Variants in LZTFL1 observed in about 807,000 individuals in gnomAD.
LZTFL1 encodes leucine zipper transcription factor-like protein 1.
A neutral mutation model predicts 45.9 loss-of-function variants in LZTFL1; 25 were observed. The observed-to-expected ratio is 0.54, with a 90% CI of 0.40 to 0.76. LZTFL1 has a LOEUF of 0.76. Ranked by LOEUF, LZTFL1 falls within the 30% of genes least tolerant of loss-of-function variation. The pLI, the probability that LZTFL1 is intolerant of heterozygous loss-of-function variation, is 0.00. For missense variants in LZTFL1, 277 were observed against 331.1 expected, an observed-to-expected ratio of 0.84 and a Z score of 1.27; for synonymous variants, 93 against 117.4, an observed-to-expected ratio of 0.79 and a Z score of 1.35.
intron 3 of LZTFL1, among the ~76,000 whole-genome samples, chr3:45,858,478 C>A (rs1366796988): frequency 6.6e-6 from 1 of 152,118 alleles, no homozygotes; most frequent in East Asian, 1.9e-4. Context: ...TACGTTTTTA[C>A]CTAGTGTCAT....
Position 45,900,664 on chromosome 3 carries a change from A to G in LZTFL1, c.-215+12456T>C, listed in dbSNP as rs1702521396. ...GAATAAATAAATATGTCACAACCCA[A>G]GCAGATGTCCTCAGAATGCCTATGT... On this transcript the variant is annotated intron_variant, in intron 2 of 4. Transcript: ENST00000472635. This position sits in a 1 kb window ranked among gnomAD's most constrained non-coding sequence, Gnocchi z 4.7. 1.4e-6 allele frequency: 1 copy of G among 729,360 alleles called. No homozygotes were observed. The highest frequency in any genetic ancestry group is 2.3e-6 in the Non-Finnish European group (1 of 435,752). The allele number at this position is 729,360 out of a possible 1,614,324, so 45.2% of individuals were successfully genotyped here. A position where few individuals can be genotyped will look rare whatever the true frequency, so the allele number is the denominator to read the frequency against.
intron 2 of LZTFL1, among the ~76,000 whole-genome samples, chr3:45,884,582 C>A (rs1433010339): frequency 6.6e-6 from 1 of 152,184 alleles, no homozygotes; most frequent in African/African-American, 2.4e-5. Flanking sequence ...TCTTCCCTGA[C>A]GGCCAGCCTC....
chr3:45,905,775 A>T (rs1702668021), intron 2 of LZTFL1, among the ~76,000 whole-genome samples: 2 of 152,182 alleles, frequency 1.3e-5, no homozygotes, highest in Admixed American at 1.3e-4. Context: ...TGCACTTTTG[A>T]AGAAGGGAAT....
At chr3:45,835,457 A>G in intron 3 of LZTFL1, 133 bp downstream of exon 3, 1 of 730,982 alleles carries the variant, frequency 1.4e-6, no homozygotes, top group South Asian at 1.7e-5. Context: ...CAGTGACTCA[A>G]TGCTTTGCTG....
At chr3:45,870,035 G>A (rs1701646336) in intron 2 of LZTFL1, among the ~76,000 whole-genome samples, 1 of 152,262 alleles carries the variant, frequency 6.6e-6, no homozygotes, top group Non-Finnish European at 1.5e-5. Context: ...TAAACGAGGG[G>A]TATAAACTAG....
intron 2 of LZTFL1, among the ~76,000 whole-genome samples, chr3:45,880,374 C>A (rs961216148): frequency 7.9e-5 from 12 of 152,038 alleles, no homozygotes; most frequent in Non-Finnish European, 1.6e-4. Context: ...TGGTGATGGG[C>A]ACCTGTAATC....
At chr3:45,833,167 G>C in intron 4 of LZTFL1, 46 bp from the exon 5 acceptor site, 1 of 1,330,052 alleles carries the variant, frequency 7.5e-7, no homozygotes, top group Admixed American at 1.7e-5. Flanking sequence ...ACAGAATAAA[G>C]CATGTATAAT....
chr3:45,851,692 A>AT (rs1488415864), intron 4 of LZTFL1, among the ~76,000 whole-genome samples: 2 of 151,294 alleles, frequency 1.3e-5, no homozygotes, highest in East Asian at 3.9e-4. Context: ...CCAACCTTAA[A>AT]TTTTTCCCAG....
intron 2 of LZTFL1, among the ~76,000 whole-genome samples, chr3:45,876,284 C>T (rs1701748011): frequency 6.6e-6 from 1 of 152,152 alleles, no homozygotes; most frequent in Admixed American, 6.5e-5. Context: ...ACACACCTTT[C>T]ATTTGGTTGG....
chr3:45,849,103 A>T (rs533831491), intron 4 of LZTFL1, among the ~76,000 whole-genome samples: 1 of 152,348 alleles, frequency 6.6e-6, no homozygotes, highest in African/African-American at 2.4e-5. Context: ...GCTCTCAAGG[A>T]TGCTAACCAT....
chr3:45,855,033 A>G (rs990900496), exon 4 of LZTFL1: 6 of 1,535,220 alleles, frequency 3.9e-6, no homozygotes, highest in Non-Finnish European at 5.2e-6. Flanking sequence ...AAGTCACCAA[A>G]GGGTGGGTAG....
upstream of LZTFL1, among the ~76,000 whole-genome samples, chr3:45,846,723 TGAG>T (rs1190687190): frequency 1.3e-5 from 2 of 151,428 alleles, no homozygotes; most frequent in Non-Finnish European, 2.9e-5. Flanking sequence ...TTGAATAGGT[TGAG>T]GAGGAGGAGG....
intron 3 of LZTFL1, among the ~76,000 whole-genome samples, chr3:45,856,849 A>C (rs1334287793): frequency 6.6e-6 from 1 of 152,216 alleles, no homozygotes; most frequent in East Asian, 1.9e-4. Context: ...CAGAATGGTG[A>C]TTATTAAAAA....
intron 7 of LZTFL1, among the ~76,000 whole-genome samples, chr3:45,830,593 A>G (rs1482314980): frequency 1.3e-5 from 2 of 152,258 alleles, no homozygotes; most frequent in African/African-American, 4.8e-5. Context: ...CTTAAAAAAA[A>G]AAAGTGAGAA....
At chr3:45,863,005 C>T (rs776378821) in intron 2 of LZTFL1, among the ~76,000 whole-genome samples, 5 of 152,006 alleles carry the variant, frequency 3.3e-5, no homozygotes, top group Admixed American at 6.6e-5. Flanking sequence ...CTGACTGCTT[C>T]GGCTTCTGGT....
intron 2 of LZTFL1, among the ~76,000 whole-genome samples, chr3:45,909,928 T>C (rs1285683738): frequency 3.3e-5 from 5 of 152,152 alleles, no homozygotes; most frequent in African/African-American, 1.2e-4. Context: ...CCCCTAATTC[T>C]CACAGGTGGC....
intron 2 of LZTFL1, among the ~76,000 whole-genome samples, chr3:45,908,241 G>A (rs907056787): frequency 1.1e-4 from 16 of 152,336 alleles, no homozygotes; most frequent in East Asian, 1.9e-4. Context: ...ATCCTGTGCC[G>A]TGGGAGGCTT....
chr3:45,890,666 T>C (rs966912750), intron 2 of LZTFL1, among the ~76,000 whole-genome samples: 2 of 151,976 alleles, frequency 1.3e-5, no homozygotes, highest in Non-Finnish European at 2.9e-5. Flanking sequence ...AAATACTGCC[T>C]GGGGAAAGTT....
intron 2 of LZTFL1, among the ~76,000 whole-genome samples, chr3:45,883,381 G>A (rs1168422643): frequency 1.3e-5 from 2 of 152,172 alleles, no homozygotes; most frequent in Non-Finnish European, 2.9e-5. Flanking sequence ...TTATATGTGA[G>A]TCTTATAAGA....
Sources: gnomAD v4.1 joint callset for allele counts (sites outside exome capture counted in the v4.1 genomes callset) on GRCh38, gnomAD v4.1.1 for gene constraint, Gnocchi (gnomAD v3.1) non-coding constraint, MANE v1.5 for transcripts, NCBI Gene and HGNC (gene_info 2026-07-23, HGNC 2026-07-21) for gene names.